The following NR1I3 variants were observed in gnomAD, a reference collection of about 807,000 sequenced individuals.
The protein encoded by NR1I3 is constitutive activator of retinoid response.
NR1I3 carries 30 observed loss-of-function variants against 38.4 expected under a neutral mutation model. The ratio of observed to expected loss-of-function variants is 0.78; its 90% CI spans 0.58 to 1.06. The LOEUF is 1.06. Among genes scored for constraint, NR1I3 ranks in the 50% least tolerant of loss-of-function variants. The pLI is 0.00. For missense variants in NR1I3, 388 were observed against 435.7 expected (o/e 0.89, Z 0.97); for synonymous variants, 143 against 165.1 (o/e 0.87, Z 1.03).
In NR1I3 at chr1:161,232,702, T is replaced by C; in HGVS notation, c.548+105A>G. 5 of 1,157,280 alleles carry C rather than the reference T, an allele frequency of 4.3e-6. No individual in the cohort carries two copies. The South Asian group carries it at 6.7e-5, about 16-fold the overall frequency. The allele number at this position is 1,157,280 out of a possible 1,614,324, so 71.7% of individuals were successfully genotyped here. A position where few individuals can be genotyped will look rare whatever the true frequency, so the allele number is the denominator to read the frequency against. ...AGCTGGGAATTCAAGACCTAATGCT[T>C]GGAAAGGCTGACGCATGTGATAATT... On this transcript the variant is annotated intron_variant, in intron 5 of 8. Coordinates refer to ENST00000367983, the MANE Select transcript of NR1I3 (RefSeq NM_005122.5).
In NR1I3 at chr1:161,232,931, A is replaced by G; in HGVS notation, c.424T>C (p.Phe142Leu). ...GTGGGCAAGGGCTGGTGATGGATGA[A>G]CAGATGAGCTGGAGGCTGCAATGAT... Reference protein sequence around the residue: ...FVQFRPPAHLFIHHQPLPTLA... With the variant: ...FVQFRPPAHLLIHHQPLPTLA... Residue 142 changes from phenylalanine to leucine, a missense_variant, in exon 5 of 9, where the codon TTC (phenylalanine) becomes CTC (leucine). Phe to Leu is a conservative substitution (Grantham distance 22, BLOSUM62 0). Transcript: ENST00000367983. The G allele has an allele frequency of 6.2e-7, 1 of 1,614,196 alleles. No individual in the cohort carries two copies. Among genetic ancestry groups the G allele is most frequent in the Non-Finnish European group, 8.5e-7 (1 of 1,180,034 alleles).
intron 7 of NR1I3, 95 bp from the exon 8 acceptor site, chr1:161,231,013 G>A (rs908176972): frequency 6.2e-7 from 1 of 1,612,728 alleles, no homozygotes; most frequent in African/African-American, 1.3e-5. Context: ...CTAGTCTGCA[G>A]GTTTGATAGC....
chr1:161,234,549 G>A (rs1475467665), intron 3 of NR1I3, among the ~76,000 whole-genome samples: 2 of 152,120 alleles, frequency 1.3e-5, no homozygotes, highest in Admixed American at 1.3e-4. Flanking sequence ...ACTTGAGTTT[G>A]AATACTGACT....
intron 8 of NR1I3, 25 bp from the exon 9 acceptor site, chr1:161,229,951 C>A: frequency 6.2e-7 from 1 of 1,613,564 alleles, no homozygotes; most frequent in South Asian, 1.1e-5. Context: ...GTGGGGTTGC[C>A]AGGAAAACAG....
chr1:161,230,725 A>AGT, intron 8 of NR1I3, 88 bp downstream of exon 8: 1 of 1,568,340 alleles, frequency 6.4e-7, no homozygotes, highest in Non-Finnish European at 8.7e-7. Context: ...AGGAAAGGAC[A>AGT]GTAAAAAAAC....
At chr1:161,234,059 T>C (rs1668051455) in intron 3 of NR1I3, among the ~76,000 whole-genome samples, 1 of 151,958 alleles carries the variant, frequency 6.6e-6, no homozygotes, top group African/African-American at 2.4e-5. Context: ...TGGAGCAATC[T>C]CGGCTCACTG....
chr1:161,237,929 C>T, intron 1 of NR1I3, 112 bp downstream of exon 1: 1 of 1,033,956 alleles, frequency 9.7e-7, no homozygotes, highest in East Asian at 2.4e-5. Context: ...AGCGATCCCC[C>T]CACCTTGGCC....
At chr1:161,235,626 G>GA (rs1451921096) in intron 3 of NR1I3, 1 of 477,886 alleles carries the variant, frequency 2.1e-6, no homozygotes, top group Non-Finnish European at 3.8e-6. Context: ...AGTAAAGGGG[G>GA]AAGAGTATGA....
chr1:161,229,846 A>T lies in NR1I3; in HGVS notation c.998T>A (p.Ile333Asn). Residue 333 changes from isoleucine to asparagine, a missense_variant, in exon 9 of 9, where the codon ATC becomes AAC. Coordinates refer to ENST00000367983, the MANE Select transcript of NR1I3 (RefSeq NM_005122.5). ...NEAYGYQIQHIQGLSAMMPLL... is the reference protein window; with the variant it reads ...NEAYGYQIQHNQGLSAMMPLL... The stretch of plus-strand genomic sequence containing the variant: ...CGGCATCATGGCAGACAGGCCCTGG[A>T]TGTGCTGGATTTGGTACCCGTAGGC... 1 of 1,614,150 alleles carries T rather than the reference A, an allele frequency of 6.2e-7. No homozygotes were observed. The highest frequency in any genetic ancestry group is 8.5e-7 in the Non-Finnish European group (1 of 1,180,034).
chr1:161,230,724 C>A (rs915767511), intron 8 of NR1I3, 89 bp downstream of exon 8: 6 of 1,565,442 alleles, frequency 3.8e-6, no homozygotes, highest in Non-Finnish European at 5.2e-6. Flanking sequence ...AAGGAAAGGA[C>A]AGTAAAAAAA....
In NR1I3 at chr1:161,231,106, G is replaced by A; in HGVS notation, c.811+11C>T. ...TGCAGCAAAAGGCTCTGGGCTTTGGGAGGTGCTCACCAGGAGAGAAGAGGG... is the reference window on the plus strand; with the variant it reads ...TGCAGCAAAAGGCTCTGGGCTTTGGAAGGTGCTCACCAGGAGAGAAGAGGG... On this transcript the variant is annotated intron_variant, in intron 7 of 8. Transcript: ENST00000367983. 6.2e-7 allele frequency: 1 copy of A among 1,614,148 alleles called. No homozygotes were observed. The highest frequency in any genetic ancestry group is 8.5e-7 in the Non-Finnish European group (1 of 1,180,032).
At chr1:161,236,683 A>T in intron 1 of NR1I3, 85 bp from the exon 2 acceptor site, 2 of 1,357,654 alleles carry the variant, frequency 1.5e-6, no homozygotes, top group Admixed American at 2.5e-5. Flanking sequence ...TCCAAACCAA[A>T]CCAAACATGC....
intron 1 of NR1I3, among the ~76,000 whole-genome samples, chr1:161,237,641 C>G (rs1052963412): frequency 2.0e-5 from 3 of 151,438 alleles, no homozygotes; most frequent in Non-Finnish European, 2.9e-5. Context: ...TCGCTTCAAC[C>G]TGGGAGGCAG....
intron 5 of NR1I3, 62 bp from the exon 6 acceptor site, chr1:161,231,536 T>G (rs1667274909): frequency 6.6e-7 from 1 of 1,525,334 alleles, no homozygotes; most frequent in Admixed American, 2.3e-5. Flanking sequence ...AGAGTCTCAC[T>G]GTCACCCTGG....
chr1:161,235,905 C>T lies in NR1I3; in HGVS notation c.180G>A (p.Arg60=). Residue 60 remains arginine (R), a synonymous_variant, in exon 3 of 9, where the codon AGG becomes AGA. Coordinates refer to ENST00000367983, the MANE Select transcript of NR1I3 (RefSeq NM_005122.5). ...GCAACCTGCAGGCTGGGCAGTGGCGCCTCTGAGTCTTGCTGACTTCACAGC... is the reference window on the plus strand; with the variant it reads ...GCAACCTGCAGGCTGGGCAGTGGCGTCTCTGAGTCTTGCTGACTTCACAGC... The part of the protein sequence containing the change: ...AGSCEVSKTQ[R]RHCPACRLQK... 1 of 1,613,908 alleles carries T rather than the reference C, an allele frequency of 6.2e-7. No homozygotes were observed. Among genetic ancestry groups the T allele is most frequent in the South Asian group, 1.1e-5 (1 of 91,062 alleles).
rs766084148 is a variant in NR1I3, at chr1:161,235,914, C to T, written c.171G>A (p.Lys57=). The T allele has an allele frequency of 4.3e-6, 7 of 1,613,336 alleles. No individual in the cohort carries two copies. The highest frequency in any genetic ancestry group is 3.3e-5 in the Admixed American group (2 of 59,836). The change falls in exon 3 of 9, where the codon AAG becomes AAA. Residue 57 remains lysine (K), a synonymous_variant. Coordinates refer to ENST00000367983, the MANE Select transcript of NR1I3 (RefSeq NM_005122.5). The part of the protein sequence containing the change: ...CPFAGSCEVS[K]TQRRHCPACR... ...AGGCTGGGCAGTGGCGCCTCTGAGT[C>T]TTGCTGACTTCACAGCTTCCAGCAA...
At chr1:161,237,829 A>C (rs948777492) in intron 1 of NR1I3, among the ~76,000 whole-genome samples, 1 of 152,050 alleles carries the variant, frequency 6.6e-6, no homozygotes, top group Admixed American at 6.5e-5. Flanking sequence ...GATTACAGGC[A>C]TGAGCTCCCG....
intron 1 of NR1I3, 73 bp downstream of exon 1, chr1:161,237,968 G>GC: frequency 7.0e-7 from 1 of 1,436,210 alleles, no homozygotes; most frequent in South Asian, 1.1e-5. Flanking sequence ...ACACACGTGA[G>GC]CCACTATGCC....
chr1:161,235,802 A>T (rs1374131524), intron 3 of NR1I3, 45 bp downstream of exon 3: 2 of 1,612,398 alleles, frequency 1.2e-6, no homozygotes, highest in South Asian at 1.1e-5. Flanking sequence ...AAGGACAAAG[A>T]CAGACGCAGT....
Sources: allele counts gnomAD v4.1 joint callset (sites outside exome capture counted in the v4.1 genomes callset), GRCh38; gene constraint gnomAD v4.1.1; transcripts MANE v1.5; gene names NCBI Gene and HGNC (gene_info 2026-07-23, HGNC 2026-07-21).